NRXN3: variants seen among roughly 807,000 people sequenced by gnomAD.
The protein encoded by NRXN3 is neurexin 3.
NRXN3 carries 32 observed loss-of-function variants against 137.6 expected under a neutral mutation model. The observed-to-expected ratio is 0.23, with a 90% CI of 0.18 to 0.31. The LOEUF is 0.31. Ranked by LOEUF, NRXN3 falls within the 10% of genes least tolerant of loss-of-function variation. NRXN3 has a pLI of 1.00. For synonymous variants in NRXN3, 798 were observed against 784.5 expected (o/e 1.02, Z -0.29); for missense variants, 1,574 against 2,062.5 (o/e 0.76, Z 4.59).
intron 15 of NRXN3, among the ~76,000 whole-genome samples, chr14:79,319,691 A>G (rs2089620265): frequency 6.6e-6 from 1 of 152,106 alleles, no homozygotes; most frequent in Non-Finnish European, 1.5e-5. Context: ...TTTTTTGAGT[A>G]ATTATTATCC....
intron 15 of NRXN3, among the ~76,000 whole-genome samples, chr14:79,212,409 G>A (rs929085297): frequency 1.3e-5 from 2 of 152,070 alleles, no homozygotes; most frequent in African/African-American, 2.4e-5. Context: ...CTGTTCTTAG[G>A]TTAATCCATT....
intron 16 of NRXN3, among the ~76,000 whole-genome samples, chr14:79,540,027 G>T (rs1335971369): frequency 1.3e-5 from 2 of 152,044 alleles, no homozygotes; most frequent in Non-Finnish European, 2.9e-5. Context: ...GAAGGAGAGG[G>T]AAAAAATTCC....
intron 8 of NRXN3, among the ~76,000 whole-genome samples, chr14:78,726,596 C>T (rs1216738824): frequency 2.1e-5 from 3 of 144,606 alleles, no homozygotes; most frequent in Non-Finnish European, 4.5e-5. Context: ...CAGCTCACTG[C>T]AACTCCTGCT....
At chr14:79,222,302 T>C (rs2069896232) in intron 15 of NRXN3, among the ~76,000 whole-genome samples, 1 of 152,200 alleles carries the variant, frequency 6.6e-6, no homozygotes, top group African/African-American at 2.4e-5. Context: ...AATTCAATGG[T>C]AGCTTGATGG....
At chr14:78,944,996 T>A (rs2099362393) in intron 10 of NRXN3, among the ~76,000 whole-genome samples, 2 of 152,324 alleles carry the variant, frequency 1.3e-5, no homozygotes, top group East Asian at 3.9e-4. Flanking sequence ...AAATGATGCC[T>A]TAACAGCTCT....
At chr14:78,767,459 G>T (rs1402981131) in intron 8 of NRXN3, among the ~76,000 whole-genome samples, 1 of 152,196 alleles carries the variant, frequency 6.6e-6, no homozygotes, top group Admixed American at 6.5e-5. Flanking sequence ...ATGAAAGTGT[G>T]AATATCAAGA....
intron 10 of NRXN3, among the ~76,000 whole-genome samples, chr14:78,920,550 C>A (rs1266786626): frequency 6.6e-6 from 1 of 152,130 alleles, no homozygotes; most frequent in Non-Finnish European, 1.5e-5. Context: ...TTATTCAATT[C>A]TGATACTACC....
At chr14:78,699,200 G>T (rs539794591) in intron 6 of NRXN3, among the ~76,000 whole-genome samples, 1 of 150,570 alleles carries the variant, frequency 6.6e-6, no homozygotes, top group Non-Finnish European at 1.5e-5. Context: ...TCAGCTGTGG[G>T]TGGGAATGGA....
At chr14:79,222,715 C>T (rs542458633) in intron 15 of NRXN3, among the ~76,000 whole-genome samples, 2 of 145,098 alleles carry the variant, frequency 1.4e-5, no homozygotes, top group African/African-American at 5.0e-5. Context: ...AAATATGGAC[C>T]ATACTAATTG....
intron 19 of NRXN3, among the ~76,000 whole-genome samples, chr14:79,704,737 G>A (rs2098769745): frequency 6.6e-6 from 1 of 152,080 alleles, no homozygotes; most frequent in Admixed American, 6.5e-5. Context: ...CCTTACGCAG[G>A]TACTTTCTTT....
chr14:78,853,762 T>G, intron 10 of NRXN3, among the ~76,000 whole-genome samples: 1 of 152,272 alleles, frequency 6.6e-6, no homozygotes, highest in South Asian at 2.1e-4. Flanking sequence ...TCACATCTAT[T>G]TCTTTGCTTT....
intron 4 of NRXN3, among the ~76,000 whole-genome samples, chr14:78,456,770 G>T (rs542332901): frequency 1.4e-5 from 2 of 147,148 alleles, no homozygotes; most frequent in East Asian, 4.1e-4. Context: ...GGCTCTGCAG[G>T]ATTTCTTTCC....
chr14:78,281,029 C>A (rs1006720056), intron 3 of NRXN3, among the ~76,000 whole-genome samples: 5 of 152,192 alleles, frequency 3.3e-5, no homozygotes, highest in African/African-American at 1.2e-4. Flanking sequence ...AATTTCAGAT[C>A]TTGTGCTCTT....
intron 1 of NRXN3, among the ~76,000 whole-genome samples, chr14:78,237,689 C>T (rs960014221): frequency 6.6e-6 from 1 of 152,154 alleles, no homozygotes; most frequent in South Asian, 2.1e-4. Flanking sequence ...TCCCAGTTGA[C>T]TAAACTGGAT....
At chr14:79,835,324 G>A (rs1273443979) in intron 20 of NRXN3, among the ~76,000 whole-genome samples, 1 of 152,084 alleles carries the variant, frequency 6.6e-6, no homozygotes, top group Non-Finnish European at 1.5e-5. Flanking sequence ...TTGAAAAACA[G>A]AGAAGTCCCT....
chr14:79,361,041 G>T (rs895081164), intron 15 of NRXN3, among the ~76,000 whole-genome samples: 11 of 152,198 alleles, frequency 7.2e-5, no homozygotes, highest in Admixed American at 2.0e-4. Context: ...TGTGATTAAA[G>T]CTGTTAGCTA....
chr14:78,344,511 G>T (rs1024539631), intron 4 of NRXN3, among the ~76,000 whole-genome samples: 5 of 152,188 alleles, frequency 3.3e-5, no homozygotes, highest in African/African-American at 1.2e-4. Flanking sequence ...AGCTGAGCAG[G>T]CATCCTCCCT....
chr14:79,111,193 G>A (rs940922983), intron 15 of NRXN3, among the ~76,000 whole-genome samples: 6 of 152,172 alleles, frequency 3.9e-5, no homozygotes, highest in Admixed American at 2.0e-4. Flanking sequence ...AATAGTGCAG[G>A]AAGACAAGGT....
At chr14:78,218,016 C>T (rs1052389764) in intron 1 of NRXN3, among the ~76,000 whole-genome samples, 6 of 152,176 alleles carry the variant, frequency 3.9e-5, no homozygotes, top group African/African-American at 1.2e-4. Context: ...CTGCATCTTG[C>T]TATTTTCCTT....
Sources: allele counts gnomAD v4.1 joint callset (sites outside exome capture counted in the v4.1 genomes callset), GRCh38; gene constraint gnomAD v4.1.1; transcripts MANE v1.5; gene names NCBI Gene and HGNC (gene_info 2026-07-23, HGNC 2026-07-21).